Variants in WDR70 observed in about 807,000 individuals in gnomAD.
WDR70 encodes the protein WD repeat domain 70.
Under a neutral mutation model 88.6 loss-of-function variants are expected in WDR70, and 53 were observed. The observed-to-expected ratio is 0.60, with a 90% CI of 0.48 to 0.75. The LOEUF is 0.75. Ranked by LOEUF, WDR70 falls within the 30% of genes least tolerant of loss-of-function variation. The pLI, the probability that WDR70 is intolerant of heterozygous loss-of-function variation, is 0.00. For synonymous variants in WDR70, 280 were observed against 270.0 expected (o/e 1.04, Z -0.36); for missense variants, 610 against 823.2 (o/e 0.74, Z 3.17).
intron 7 of WDR70, among the ~76,000 whole-genome samples, chr5:37,476,498 CTGTGAATACTAT>C (rs1581317005): frequency 6.6e-6 from 1 of 152,036 alleles, no homozygotes; most frequent in Non-Finnish European, 1.5e-5. Context: ...GTTTTGCATC[CTGTGAATACTAT>C]TGTGAATACT....
intron 6 of WDR70, 152 bp downstream of exon 6, chr5:37,438,133 G>A (rs1750535106): frequency 1.9e-6 from 1 of 531,624 alleles, no homozygotes; most frequent in Non-Finnish European, 3.0e-6. Context: ...TTACTTTTAT[G>A]TTCAGTCAAA....
chr5:37,551,327 TACA>T (rs994326903), intron 9 of WDR70, among the ~76,000 whole-genome samples: 63 of 151,150 alleles, frequency 4.2e-4, no homozygotes, highest in African/African-American at 1.5e-3. Flanking sequence ...AAAAAAAAAT[TACA>T]ACAACAAAAA....
intron 5 of WDR70, among the ~76,000 whole-genome samples, 197 bp from the exon 6 acceptor site, chr5:37,437,725 A>C (rs1284843945): frequency 6.6e-6 from 1 of 152,190 alleles, no homozygotes; most frequent in Non-Finnish European, 1.5e-5. Flanking sequence ...AAATCAGTTT[A>C]TCATCAGAGA....
At chr5:37,690,346 G>A (rs1235299248) in intron 10 of WDR70, among the ~76,000 whole-genome samples, 4 of 152,118 alleles carry the variant, frequency 2.6e-5, no homozygotes. Context: ...TCAAATTCAG[G>A]AAATACAGAG....
chr5:37,438,059 G>A (rs1750532142), intron 6 of WDR70, 78 bp downstream of exon 6: 4 of 1,231,644 alleles, frequency 3.2e-6, no homozygotes, highest in Non-Finnish European at 4.5e-6. Context: ...AGATACATTT[G>A]TATTAAGGCT....
In WDR70 at chr5:37,722,932, C is replaced by T; in HGVS notation, c.1595C>T (p.Thr532Ile). Residue 532 changes from threonine to isoleucine, a missense_variant and splice_region_variant, in exon 15 of 18, where the codon ACC becomes ATC. This residue lies in a region of WDR70 where 254 missense variants were observed against 300.7 expected (regional missense o/e 0.84). Coordinates refer to ENST00000265107, the MANE Select transcript of WDR70 (RefSeq NM_018034.4). ...AETLTQDYII[T>I]PHALPMFREP... ...ACTCTAACTCAGGACTACATCATCACCCGTAAGTCGTTAACATGCCTCTCA... is the reference window on the plus strand; with the variant it reads ...ACTCTAACTCAGGACTACATCATCATCCGTAAGTCGTTAACATGCCTCTCA... 6.2e-7 allele frequency: 1 copy of T among 1,613,534 alleles called. No homozygotes were observed. Among genetic ancestry groups the T allele is most frequent in the Non-Finnish European group, 8.5e-7 (1 of 1,179,602 alleles).
intron 10 of WDR70, among the ~76,000 whole-genome samples, chr5:37,661,958 A>G (rs182080121): frequency 8.5e-5 from 13 of 152,338 alleles, no homozygotes; most frequent in Admixed American, 7.8e-4. Flanking sequence ...CAAAGGCAGA[A>G]TGGTCCCCAG....
intron 9 of WDR70, among the ~76,000 whole-genome samples, chr5:37,540,429 T>C (rs1340963485): frequency 1.3e-5 from 2 of 151,500 alleles, no homozygotes; most frequent in African/African-American, 4.9e-5. Context: ...TTTGCCAGGC[T>C]GGAGTGCAGT....
intron 10 of WDR70, among the ~76,000 whole-genome samples, chr5:37,696,980 A>C (rs1006067900): frequency 6.6e-6 from 1 of 152,212 alleles, no homozygotes; most frequent in African/African-American, 2.4e-5. Flanking sequence ...CAGCTCTACT[A>C]CTTACTAACT....
chr5:37,597,960 A>T (rs1743751841), intron 9 of WDR70, among the ~76,000 whole-genome samples: 1 of 152,230 alleles, frequency 6.6e-6, no homozygotes, highest in South Asian at 2.1e-4. Context: ...TTACAACTAC[A>T]TCTATGAACT....
At chr5:37,585,650 A>G (rs2112435218) in intron 9 of WDR70, among the ~76,000 whole-genome samples, 1 of 152,156 alleles carries the variant, frequency 6.6e-6, no homozygotes, top group Middle Eastern at 3.4e-3. Context: ...AAATACCATC[A>G]TTCTGCTCTT....
At chr5:37,433,503 A>G (rs1297786215) in intron 5 of WDR70, among the ~76,000 whole-genome samples, 1 of 152,000 alleles carries the variant, frequency 6.6e-6, no homozygotes, top group Non-Finnish European at 1.5e-5. Flanking sequence ...TGGCTCCAGG[A>G]CTCTCCTGCT....
chr5:37,668,504 A>G (rs1326998569), intron 10 of WDR70, among the ~76,000 whole-genome samples: 1 of 152,268 alleles, frequency 6.6e-6, no homozygotes, highest in East Asian at 1.9e-4. Context: ...CCTAAGTGAT[A>G]TACCAACTGG....
At chr5:37,414,274 C>G (rs1423743973) in intron 5 of WDR70, among the ~76,000 whole-genome samples, 1 of 152,024 alleles carries the variant, frequency 6.6e-6, no homozygotes, top group African/African-American at 2.4e-5. Context: ...TTATCCCCTT[C>G]TACCCCCTGG....
chr5:37,537,147 G>A (rs1376634701), intron 9 of WDR70, among the ~76,000 whole-genome samples: 1 of 152,142 alleles, frequency 6.6e-6, no homozygotes, highest in African/African-American at 2.4e-5. Flanking sequence ...TTTGGAAAAG[G>A]TATGTTTAAT....
chr5:37,565,848 TAGA>T (rs1264782466), intron 9 of WDR70, among the ~76,000 whole-genome samples: 1 of 152,118 alleles, frequency 6.6e-6, no homozygotes, highest in Non-Finnish European at 1.5e-5. Flanking sequence ...AGTTTATAAA[TAGA>T]AGATTTGAAT....
At chr5:37,720,287 T>A (rs944551201) in intron 13 of WDR70, among the ~76,000 whole-genome samples, 3 of 152,172 alleles carry the variant, frequency 2.0e-5, no homozygotes, top group South Asian at 2.1e-4. Flanking sequence ...CAGAGTGAGT[T>A]CTATAGAACC....
chr5:37,733,985 C>T (rs1328016271), intron 17 of WDR70, among the ~76,000 whole-genome samples: 1 of 151,956 alleles, frequency 6.6e-6, no homozygotes, highest in Non-Finnish European at 1.5e-5. Context: ...TGTGCAGCTA[C>T]ATATATGTGT....
At chr5:37,449,613 A>AAAAAAAT (rs1738606649) in intron 7 of WDR70, among the ~76,000 whole-genome samples, 1 of 90,402 alleles carries the variant, frequency 1.1e-5, no homozygotes, top group African/African-American at 3.7e-5. Flanking sequence ...ATAAAAAATA[A>AAAAAAAT]AAAATAAATA....
Sources: gnomAD v4.1 joint callset for allele counts (sites outside exome capture counted in the v4.1 genomes callset) on GRCh38, gnomAD v4.1.1 for gene constraint, gnomAD v4.1.1 regional missense constraint, MANE v1.5 for transcripts, NCBI Gene and HGNC (gene_info 2026-07-23, HGNC 2026-07-21) for gene names.